The following NELL1 variants were observed in gnomAD, a reference collection of about 807,000 sequenced individuals.
NELL1 encodes the protein protein kinase C-binding protein NELL1.
Under a neutral mutation model 107.4 loss-of-function variants are expected in NELL1, and 76 were observed. That is an observed-to-expected ratio of 0.71 (90% CI 0.59 to 0.86). The LOEUF (loss-of-function observed/expected upper bound fraction) is 0.86. NELL1 is among the 40% of genes least tolerant of loss of function. NELL1 has a pLI of 0.00. For synonymous variants in NELL1, 353 were observed against 341.2 expected (o/e 1.03, Z -0.38); for missense variants, 1,024 against 1,005.5 (o/e 1.02, Z -0.25).
At chr11:21,021,787 A>G (rs1419362481) in intron 12 of NELL1, among the ~76,000 whole-genome samples, 2 of 152,120 alleles carry the variant, frequency 1.3e-5, no homozygotes, top group Non-Finnish European at 2.9e-5. Context: ...GGCTGATTTC[A>G]TTAGCTTCAT....
At chr11:21,301,712 G>C (rs1397091416) in intron 14 of NELL1, among the ~76,000 whole-genome samples, 2 of 151,986 alleles carry the variant, frequency 1.3e-5, no homozygotes, top group Admixed American at 6.6e-5. Context: ...TCACTCTGAT[G>C]GTAGTTTCTT....
intron 14 of NELL1, among the ~76,000 whole-genome samples, chr11:21,299,851 T>C (rs1485024267): frequency 6.6e-6 from 1 of 151,962 alleles, no homozygotes; most frequent in Non-Finnish European, 1.5e-5. Flanking sequence ...TAATATTTTC[T>C]TTAATTTGTT....
intron 13 of NELL1, among the ~76,000 whole-genome samples, chr11:21,224,359 A>G (rs1280596021): frequency 6.6e-6 from 1 of 151,274 alleles, no homozygotes; most frequent in African/African-American, 2.4e-5. Context: ...CCTCCTGTGA[A>G]GTTATGACCA....
intron 13 of NELL1, among the ~76,000 whole-genome samples, chr11:21,138,003 T>A (rs976878996): frequency 6.6e-6 from 1 of 152,192 alleles, no homozygotes; most frequent in Non-Finnish European, 1.5e-5. Flanking sequence ...TGAAATGTAG[T>A]GTACACTTTA....
intron 12 of NELL1, among the ~76,000 whole-genome samples, chr11:21,048,999 G>A (rs1259545098): frequency 6.6e-6 from 1 of 152,160 alleles, no homozygotes; most frequent in Non-Finnish European, 1.5e-5. Context: ...AAGAAACAGA[G>A]CAGGAAAATA....
At chr11:21,358,166 T>G (rs1445220149) in intron 14 of NELL1, among the ~76,000 whole-genome samples, 1 of 152,218 alleles carries the variant, frequency 6.6e-6, no homozygotes, top group African/African-American at 2.4e-5. Context: ...GGATTGCTTT[T>G]TCTAGCTCTG....
At chr11:21,531,143 T>G (rs1321953759) in intron 15 of NELL1, among the ~76,000 whole-genome samples, 1 of 152,084 alleles carries the variant, frequency 6.6e-6, no homozygotes, top group Non-Finnish European at 1.5e-5. Flanking sequence ...GTTTGAAACT[T>G]TAACTATTAG....
At chr11:21,467,788 G>A (rs1403260528) in intron 15 of NELL1, among the ~76,000 whole-genome samples, 1 of 152,022 alleles carries the variant, frequency 6.6e-6, no homozygotes, top group Non-Finnish European at 1.5e-5. Flanking sequence ...ATTAGATGGT[G>A]AACCGCTGCA....
intron 15 of NELL1, among the ~76,000 whole-genome samples, chr11:21,523,206 A>G (rs1855771811): frequency 6.6e-6 from 1 of 151,982 alleles, no homozygotes; most frequent in African/African-American, 2.4e-5. Context: ...ATTTATGTCT[A>G]CATGGAATAT....
At chr11:21,391,182 T>G (rs762789923) in intron 15 of NELL1, among the ~76,000 whole-genome samples, 1 of 151,850 alleles carries the variant, frequency 6.6e-6, no homozygotes, top group African/African-American at 2.4e-5. Flanking sequence ...TATTGTAGGA[T>G]TAAGTGTGTT....
intron 15 of NELL1, among the ~76,000 whole-genome samples, chr11:21,391,728 G>T (rs544826839): frequency 9.9e-5 from 15 of 151,696 alleles, no homozygotes; most frequent in African/African-American, 3.6e-4. Context: ...CACTGCAGCC[G>T]GGCTCACGTG....
intron 15 of NELL1, among the ~76,000 whole-genome samples, chr11:21,523,417 T>A (rs1034582731): frequency 2.6e-5 from 4 of 152,182 alleles, no homozygotes; most frequent in Non-Finnish European, 5.9e-5. Context: ...ATATTGTAGA[T>A]CCAATATTAT....
intron 3 of NELL1, among the ~76,000 whole-genome samples, chr11:20,818,406 CTTTTTTTTT>C (rs57318040): frequency 1.4e-4 from 15 of 108,676 alleles, no homozygotes; most frequent in African/African-American, 2.3e-4. Flanking sequence ...GCAACCCCTG[CTTTTTTTTT>C]TTTTTTTTTT....
chr11:20,816,594 A>T (rs905850203), intron 3 of NELL1, among the ~76,000 whole-genome samples: 2 of 152,008 alleles, frequency 1.3e-5, no homozygotes, highest in African/African-American at 4.8e-5. Context: ...TCAACAAAGA[A>T]TTTAAATCCT....
chr11:21,229,490 C>T (rs1328269055), intron 14 of NELL1, 36 bp downstream of exon 14: 1 of 1,611,732 alleles, frequency 6.2e-7, no homozygotes, highest in East Asian at 2.2e-5. Context: ...TTGTGAGCAG[C>T]CATTCTGCCT....
At chr11:21,512,554 AG>A (rs1855463024) in intron 15 of NELL1, among the ~76,000 whole-genome samples, 1 of 152,150 alleles carries the variant, frequency 6.6e-6, no homozygotes, top group African/African-American at 2.4e-5. Flanking sequence ...ACTGAGAGCC[AG>A]GAGAGGGTCT....
At chr11:21,305,568 A>T (rs1225030066) in intron 14 of NELL1, among the ~76,000 whole-genome samples, 4 of 151,998 alleles carry the variant, frequency 2.6e-5, no homozygotes, top group Non-Finnish European at 5.9e-5. Flanking sequence ...CAAAAGACTG[A>T]TGCTACAAGG....
At chr11:21,268,541 C>G (rs1374261238) in intron 14 of NELL1, among the ~76,000 whole-genome samples, 1 of 152,112 alleles carries the variant, frequency 6.6e-6, no homozygotes, top group African/African-American at 2.4e-5. Flanking sequence ...ACAGCTCCAG[C>G]CCACTCTAAC....
intron 15 of NELL1, among the ~76,000 whole-genome samples, chr11:21,464,245 T>C (rs111730766): frequency 0.045 from 6,831 of 152,118 alleles, 172 homozygotes; most frequent in East Asian, 0.057. Context: ...TGTCAAAAAA[T>C]TGTGGCTATG....
Sources: allele counts gnomAD v4.1 joint callset (sites outside exome capture counted in the v4.1 genomes callset), GRCh38; gene constraint gnomAD v4.1.1; transcripts MANE v1.5; gene names NCBI Gene and HGNC (gene_info 2026-07-23, HGNC 2026-07-21).